The following CSMD2 variants were observed in gnomAD, a reference collection of about 807,000 sequenced individuals.
The protein encoded by CSMD2 is CUB and Sushi multiple domains 2, also known as CUB and sushi domain-containing protein 2.
A neutral mutation model predicts 398.5 loss-of-function variants in CSMD2; 130 were observed. That is an observed-to-expected ratio of 0.33 (90% CI 0.28 to 0.38). The LOEUF is 0.38. CSMD2 is among the 10% of genes least tolerant of loss of function. The probability of loss-of-function intolerance (pLI) is 1.00; values close to 1 mark genes in which losing one functional copy is unlikely to be tolerated. For synonymous variants in CSMD2, 1,828 were observed against 1,908.5 expected (o/e 0.96, Z 1.10); for missense variants, 3,829 against 4,764.9 (o/e 0.80, Z 5.78).
chr1:34,055,380 A>G (rs1231357411), intron 2 of CSMD2, among the ~76,000 whole-genome samples: 5 of 152,174 alleles, frequency 3.3e-5, no homozygotes, highest in Non-Finnish European at 7.3e-5. Context: ...ACCTGAAGTT[A>G]GCATCAGGTC....
intron 25 of CSMD2, among the ~76,000 whole-genome samples, chr1:33,674,500 A>T (rs574464824): frequency 6.6e-6 from 1 of 152,282 alleles, no homozygotes; most frequent in East Asian, 1.9e-4. Context: ...CTCTCACACA[A>T]TAATAATGGG....
At position 33,714,724 on chromosome 1, in the gene CSMD2, C is replaced by T. The variant is rs761611281; in HGVS notation, c.3269G>A (p.Arg1090Gln). 1.4e-5 allele frequency: 23 copies of T among 1,614,138 alleles called. No homozygotes were observed. Among genetic ancestry groups the T allele is most frequent in the South Asian group, 3.3e-5 (3 of 91,078 alleles). Residue 1090 changes from arginine (R) to glutamine (Q), a missense_variant, in exon 21 of 71, where the codon CGG (arginine) becomes CAG (glutamine). Coordinates refer to ENST00000373381, the MANE Select transcript of CSMD2 (RefSeq NM_001281956.2). Reference protein sequence around the residue: ...EEPEVPAYSIRKGLQFGVGDT... With the variant: ...EEPEVPAYSIQKGLQFGVGDT... ...GCCCACGCCAAACTGCAAGCCCTTC[C>T]GGATGCTGTAGGCTGGGACCTCGGG...
intron 53 of CSMD2, among the ~76,000 whole-genome samples, chr1:33,561,251 G>A (rs1054009032): frequency 3.9e-5 from 6 of 152,172 alleles, no homozygotes; most frequent in African/African-American, 1.2e-4. Context: ...GAGCCAGGAA[G>A]AGCAGGGGAC....
chr1:33,918,380 A>G, intron 4 of CSMD2, 79 bp from the exon 5 acceptor site: 3 of 1,114,424 alleles, frequency 2.7e-6, no homozygotes, highest in Non-Finnish European at 4.0e-6. Context: ...TATACCTGCA[A>G]TACATCCTTC....
chr1:33,668,448 C>A (rs568767147), intron 25 of CSMD2, among the ~76,000 whole-genome samples: 1 of 152,268 alleles, frequency 6.6e-6, no homozygotes, highest in East Asian at 1.9e-4. Context: ...TGATGATGGC[C>A]AGTAAAGACT....
At chr1:34,046,854 A>G (rs1652578060) in intron 2 of CSMD2, among the ~76,000 whole-genome samples, 1 of 152,168 alleles carries the variant, frequency 6.6e-6, no homozygotes, top group Admixed American at 6.5e-5. Context: ...AAACGGAGGC[A>G]TTTACATTAA....
chr1:34,109,965 C>T (rs1197771424), intron 1 of CSMD2, among the ~76,000 whole-genome samples: 1 of 137,430 alleles, frequency 7.3e-6, no homozygotes, highest in African/African-American at 2.7e-5. Flanking sequence ...CGGGTGAACC[C>T]AGGAGGCGGA....
At chr1:33,695,143 GAGAC>G (rs1645377978) in intron 24 of CSMD2, among the ~76,000 whole-genome samples, 1 of 152,166 alleles carries the variant, frequency 6.6e-6, no homozygotes, top group Non-Finnish European at 1.5e-5. Flanking sequence ...ACTGCAGAGA[GAGAC>G]AGAAGAGTAA....
At chr1:34,080,507 T>A (rs1656949689) in intron 2 of CSMD2, among the ~76,000 whole-genome samples, 1 of 152,066 alleles carries the variant, frequency 6.6e-6, no homozygotes, top group Non-Finnish European at 1.5e-5. Context: ...AAAGTAGAAA[T>A]CATAATCTAA....
chr1:33,936,573 T>C (rs1644486762), intron 3 of CSMD2, among the ~76,000 whole-genome samples: 2 of 152,200 alleles, frequency 1.3e-5, no homozygotes, highest in Admixed American at 1.3e-4. Flanking sequence ...GGAAACACCA[T>C]GCACAGTGTG....
At chr1:34,110,040 C>CAAAAA (rs57314887) in intron 1 of CSMD2, among the ~76,000 whole-genome samples, 11 of 63,370 alleles carry the variant, frequency 1.7e-4, no homozygotes, top group African/African-American at 3.3e-4. Context: ...GACTCTGTCT[C>CAAAAA]AAAAAAAAAA....
chr1:33,968,129 C>T (rs1645626794), intron 3 of CSMD2, among the ~76,000 whole-genome samples: 1 of 152,196 alleles, frequency 6.6e-6, no homozygotes, highest in Non-Finnish European at 1.5e-5. Context: ...CTGGCCCTGT[C>T]ATAGTCCCAC....
intron 3 of CSMD2, among the ~76,000 whole-genome samples, chr1:33,959,404 T>C (rs1401877224): frequency 6.6e-6 from 1 of 152,170 alleles, no homozygotes; most frequent in East Asian, 1.9e-4. Context: ...CCATTCAATG[T>C]AGAATAAAAC....
chr1:33,948,458 C>CACACATGT (rs1644905329), intron 3 of CSMD2, among the ~76,000 whole-genome samples: 1 of 152,190 alleles, frequency 6.6e-6, no homozygotes, highest in Non-Finnish European at 1.5e-5. Context: ...AAGAGACATG[C>CACACATGT]ACACATGTAC....
chr1:33,979,686 G>C (rs1646095020), intron 3 of CSMD2, among the ~76,000 whole-genome samples: 1 of 142,286 alleles, frequency 7.0e-6, no homozygotes, highest in African/African-American at 2.5e-5. Context: ...GGAAAAGCTT[G>C]TGTGTGTTTT....
chr1:33,664,504 C>A (rs878892151), intron 25 of CSMD2, among the ~76,000 whole-genome samples: 1 of 152,132 alleles, frequency 6.6e-6, no homozygotes, highest in Non-Finnish European at 1.5e-5. Flanking sequence ...AGAAGGGCAT[C>A]TATTTAAAAA....
intron 29 of CSMD2, among the ~76,000 whole-genome samples, chr1:33,638,982 C>T (rs968677770): frequency 1.3e-5 from 2 of 152,202 alleles, no homozygotes; most frequent in African/African-American, 4.8e-5. Flanking sequence ...GTGTCTGTCA[C>T]ATGGTGGGCA....
intron 1 of CSMD2, among the ~76,000 whole-genome samples, chr1:34,094,553 G>T (rs1376591413): frequency 6.6e-6 from 1 of 152,092 alleles, no homozygotes; most frequent in Non-Finnish European, 1.5e-5. Flanking sequence ...AAAATAAAAG[G>T]ATGGAGGAAG....
chr1:33,617,565 C>T lies in CSMD2; in HGVS notation c.5880G>A (p.Lys1960=), dbSNP rs1641476498. Residue 1960 remains lysine, a synonymous_variant, in exon 38 of 71, where the codon AAG becomes AAA. Coordinates refer to ENST00000373381, the MANE Select transcript of CSMD2 (RefSeq NM_001281956.2). ...PEPAVPSNGV[K]TGERYLVNDV... ...CATTCACCAAGTAGCGCTCGCCAGTCTTCACCCCGTTACTGGGCACAGCAG... is the reference window on the plus strand; with the variant it reads ...CATTCACCAAGTAGCGCTCGCCAGTTTTCACCCCGTTACTGGGCACAGCAG... 1.2e-6 allele frequency: 2 copies of T among 1,614,040 alleles called. No individual in the cohort carries two copies. The highest frequency in any genetic ancestry group is 1.7e-6 in the Non-Finnish European group (2 of 1,180,026).
Sources: allele counts gnomAD v4.1 joint callset (sites outside exome capture counted in the v4.1 genomes callset), GRCh38; gene constraint gnomAD v4.1.1; transcripts MANE v1.5; gene names NCBI Gene and HGNC (gene_info 2026-07-23, HGNC 2026-07-21).